The following CAMTA1 variants were observed in gnomAD, a reference collection of about 807,000 sequenced individuals.
CAMTA1 encodes the protein calmodulin binding transcription activator 1, also known as calmodulin-binding transcription activator 1.
In CAMTA1, 27 loss-of-function variants were observed where a neutral mutation model predicts 170.9. That is an observed-to-expected ratio of 0.16 (90% CI 0.12 to 0.22). CAMTA1 has a LOEUF of 0.22. Ranked by LOEUF, CAMTA1 falls within the 10% of genes least tolerant of loss-of-function variation. CAMTA1 has a pLI of 1.00. For synonymous variants in CAMTA1, 833 were observed against 891.5 expected, an observed-to-expected ratio of 0.93 and a Z score of 1.17; for missense variants, 1,619 against 2,217.2, an observed-to-expected ratio of 0.73 and a Z score of 5.42.
Position 7,580,015 on chromosome 1 carries a change from T to G in CAMTA1, c.511-60385T>G, listed in dbSNP as rs2095245407. 1.3e-5 allele frequency among the ~76,000 whole-genome samples: 2 copies of G among 152,248 alleles called. No homozygotes were observed. The highest frequency in any genetic ancestry group is 1.5e-5 in the Non-Finnish European group (1 of 68,040). ...ATAAACTTGGGGCAGCTCAGCTGAA[T>G]CCACCCTCTCTCCGGTCAACTCACA... is the stretch of plus-strand genomic sequence containing the variant. On this transcript the variant is annotated intron_variant, in intron 6 of 22. Coordinates refer to ENST00000303635, the MANE Select transcript of CAMTA1 (RefSeq NM_015215.4). This position sits in a 1 kb window ranked among gnomAD's most constrained non-coding sequence, Gnocchi z 4.3.
At position 7,557,074 on chromosome 1, in the gene CAMTA1, G is replaced by A. The variant is rs531630565; in HGVS notation, c.511-83326G>A. On this transcript the variant is annotated intron_variant, in intron 6 of 22. Coordinates refer to ENST00000303635, the MANE Select transcript of CAMTA1 (RefSeq NM_015215.4). ...TGTAATCCCAGCACTTGGGGAGACC[G>A]AGGCGGGAGGATTGCCAGACCTCAG... Among the ~76,000 whole-genome samples the A allele has an allele frequency of 5.3e-5, 8 of 152,188 alleles. No individual in the cohort carries two copies. The South Asian group carries it at 6.2e-4, about 12-fold the overall frequency.
At chr1:6,878,810 C>A (rs1008637235) in intron 3 of CAMTA1, among the ~76,000 whole-genome samples, 1 of 152,216 alleles carries the variant, frequency 6.6e-6, no homozygotes, top group Non-Finnish European at 1.5e-5. Context: ...CCCCCAGTTT[C>A]TTACCCCTCC....
intron 2 of CAMTA1, among the ~76,000 whole-genome samples, chr1:6,824,662 C>T (rs141680863): frequency 3.9e-5 from 6 of 152,172 alleles, no homozygotes; most frequent in East Asian, 1.9e-4. Context: ...GTAGTATTTA[C>T]GAACAAAATA....
At chr1:6,892,980 TA>T (rs918934005) in intron 3 of CAMTA1, among the ~76,000 whole-genome samples, 49 of 146,120 alleles carry the variant, frequency 3.4e-4, no homozygotes, top group Admixed American at 4.1e-4. Flanking sequence ...AAAGAACTGT[TA>T]AAAAAAAAAA....
chr1:6,936,015 C>G (rs766310774), intron 3 of CAMTA1, among the ~76,000 whole-genome samples: 1 of 152,176 alleles, frequency 6.6e-6, no homozygotes, highest in Non-Finnish European at 1.5e-5. Context: ...TAAGGTTATG[C>G]GCCTGAGCCT....
chr1:7,629,190 C>T (rs548504829), intron 6 of CAMTA1, among the ~76,000 whole-genome samples: 6 of 152,332 alleles, frequency 3.9e-5, no homozygotes, highest in Admixed American at 1.3e-4. Flanking sequence ...AACTGCAGGA[C>T]GCCAGCAGCC....
At chr1:7,231,043 G>T (rs995594569) in intron 4 of CAMTA1, among the ~76,000 whole-genome samples, 2 of 152,148 alleles carry the variant, frequency 1.3e-5, no homozygotes, top group African/African-American at 4.8e-5. Context: ...GGCCAACTGG[G>T]TCACATGGCA....
intron 3 of CAMTA1, among the ~76,000 whole-genome samples, chr1:7,002,838 T>C (rs919223355): frequency 4.6e-5 from 7 of 152,182 alleles, no homozygotes; most frequent in African/African-American, 1.7e-4. Context: ...CGGTTTGCCA[T>C]GACTCACTCT....
At chr1:7,060,703 CT>C (rs141249377) in intron 3 of CAMTA1, among the ~76,000 whole-genome samples, 13,320 of 152,230 alleles carry the variant, frequency 0.087, 575 homozygotes, top group East Asian at 0.17. Context: ...TGTCCCTTGA[CT>C]TTTTGCCCCA....
At chr1:7,524,916 A>G (rs2094412961) in intron 6 of CAMTA1, among the ~76,000 whole-genome samples, 2 of 152,056 alleles carry the variant, frequency 1.3e-5, no homozygotes, top group Non-Finnish European at 2.9e-5. Flanking sequence ...GCCCCTCAGG[A>G]AAAGGAACCC....
At chr1:7,056,887 A>T (rs1373326617) in intron 3 of CAMTA1, among the ~76,000 whole-genome samples, 1 of 152,096 alleles carries the variant, frequency 6.6e-6, no homozygotes, top group Non-Finnish European at 1.5e-5. Context: ...CGATCGTCTC[A>T]TCTCTGGGTG....
chr1:7,078,056 G>T (rs1306804527), intron 3 of CAMTA1, among the ~76,000 whole-genome samples: 9 of 152,174 alleles, frequency 5.9e-5, no homozygotes, highest in African/African-American at 2.2e-4. Flanking sequence ...CATGGATTCA[G>T]AATTTATCTC....
chr1:7,742,081 GAA>G (rs1390751941), intron 16 of CAMTA1, among the ~76,000 whole-genome samples: 1 of 150,952 alleles, frequency 6.6e-6, no homozygotes, highest in East Asian at 1.9e-4. Flanking sequence ...AGTATAAAAA[GAA>G]AGATAAAAAG....
intron 3 of CAMTA1, among the ~76,000 whole-genome samples, chr1:6,995,069 C>T (rs1487916845): frequency 6.6e-6 from 1 of 151,972 alleles, no homozygotes; most frequent in East Asian, 1.9e-4. Context: ...TCATTGTCTT[C>T]TTCTGGGACT....
rs2149483197 is a variant in CAMTA1, at chr1:7,455,940, C to T, written c.439-11890C>T. ...GGCTGTGTAGCCGAAGCTCCCAGCG[C>T]CAGAGGGTACAGCCTGAGCCTCCTT... On this transcript the variant is annotated intron_variant, in intron 5 of 22. Transcript: ENST00000303635. The surrounding 1 kb of genome is among the most constrained non-coding windows in gnomAD (Gnocchi z 5.0). 6.6e-6 allele frequency among the ~76,000 whole-genome samples: 1 copy of T among 152,306 alleles called. No homozygotes were observed. The highest frequency in any genetic ancestry group is 3.4e-3 in the Middle Eastern group (1 of 294).
intron 6 of CAMTA1, among the ~76,000 whole-genome samples, chr1:7,591,306 A>G (rs1365907233): frequency 6.6e-6 from 1 of 152,244 alleles, no homozygotes; most frequent in African/African-American, 2.4e-5. Flanking sequence ...AGTTCAGATC[A>G]ATTAAAACAA....
intron 7 of CAMTA1, among the ~76,000 whole-genome samples, chr1:7,646,571 C>G (rs932145864): frequency 2.0e-5 from 3 of 149,484 alleles, no homozygotes; most frequent in Non-Finnish European, 4.4e-5. Context: ...TGGGTGGAGG[C>G]CCTGGTGAGT....
At chr1:7,737,861 T>C in intron 15 of CAMTA1, 98 bp from the exon 16 acceptor site, 1 of 1,290,352 alleles carries the variant, frequency 7.7e-7, no homozygotes, top group Non-Finnish European at 1.1e-6. Context: ...AGTTCCGGCT[T>C]TGCACTTTGT....
chr1:7,414,745 T>C (rs1273521956), intron 5 of CAMTA1, among the ~76,000 whole-genome samples: 1 of 152,116 alleles, frequency 6.6e-6, no homozygotes, highest in Non-Finnish European at 1.5e-5. Flanking sequence ...GGGTTTTTTG[T>C]GTCTCTATTT....
Sources: gnomAD v4.1 joint callset for allele counts (sites outside exome capture counted in the v4.1 genomes callset) on GRCh38, gnomAD v4.1.1 for gene constraint, Gnocchi (gnomAD v3.1) non-coding constraint, MANE v1.5 for transcripts, NCBI Gene and HGNC (gene_info 2026-07-23, HGNC 2026-07-21) for gene names.